The following CNTN4 variants were observed in gnomAD, a reference collection of about 807,000 sequenced individuals.
CNTN4 encodes the protein contactin-4.
A neutral mutation model predicts 122.5 loss-of-function variants in CNTN4; 77 were observed. The observed-to-expected ratio is 0.63, with a 90% CI of 0.52 to 0.76. The LOEUF is 0.76. Among genes scored for constraint, CNTN4 ranks in the 30% least tolerant of loss-of-function variants. CNTN4 has a pLI of 0.00. For synonymous variants in CNTN4, 512 were observed against 447.0 expected, an observed-to-expected ratio of 1.15 and a Z score of -1.83; for missense variants, 1,256 against 1,259.1, an observed-to-expected ratio of 1.00 and a Z score of 0.04.
intron 14 of CNTN4, among the ~76,000 whole-genome samples, chr3:3,017,651 G>T (rs537569724): frequency 2.0e-5 from 3 of 152,212 alleles, no homozygotes; most frequent in Non-Finnish European, 4.4e-5. Flanking sequence ...AGTATTGGGT[G>T]CAATGTCCTT....
intron 6 of CNTN4, among the ~76,000 whole-genome samples, chr3:2,800,393 A>C (rs1383627756): frequency 6.6e-6 from 1 of 152,094 alleles, no homozygotes; most frequent in Non-Finnish European, 1.5e-5. Flanking sequence ...CAAGAAAATA[A>C]TTTGCTTTCT....
chr3:2,172,554 A>T (rs1268654490), intron 2 of CNTN4, among the ~76,000 whole-genome samples: 1 of 152,216 alleles, frequency 6.6e-6, no homozygotes, highest in Non-Finnish European at 1.5e-5. Context: ...GATTGAAATA[A>T]AAAACAAAAA....
intron 6 of CNTN4, among the ~76,000 whole-genome samples, chr3:2,778,213 CAAATAAATAAAT>C (rs60613605): frequency 2.4e-3 from 286 of 118,908 alleles, no homozygotes; most frequent in African/African-American, 4.8e-3. Flanking sequence ...GACTCCGTCT[CAAATAAATAAAT>C]AAATAAATAA....
intron 2 of CNTN4, among the ~76,000 whole-genome samples, chr3:2,105,667 G>T (rs2032381759): frequency 1.3e-5 from 2 of 152,120 alleles, no homozygotes; most frequent in Admixed American, 6.5e-5. Context: ...AAATTATGGG[G>T]ATTACCTTTC....
intron 2 of CNTN4, among the ~76,000 whole-genome samples, chr3:2,124,472 A>ACACACACACACC (rs761202551): frequency 7.8e-6 from 1 of 128,062 alleles, no homozygotes; most frequent in Admixed American, 8.1e-5. Context: ...ACACACACAC[A>ACACACACACACC]CCCCCTTAAG....
At chr3:2,749,749 T>C (rs1292839937) in intron 6 of CNTN4, among the ~76,000 whole-genome samples, 1 of 152,242 alleles carries the variant, frequency 6.6e-6, no homozygotes, top group Non-Finnish European at 1.5e-5. Flanking sequence ...TTTATCTTTT[T>C]GATCATTGAT....
At chr3:3,054,628 A>G (rs899710040) in intron 24 of CNTN4, among the ~76,000 whole-genome samples, 1 of 152,006 alleles carries the variant, frequency 6.6e-6, no homozygotes, top group Non-Finnish European at 1.5e-5. Flanking sequence ...CATTTATTTA[A>G]AGAAAAAAAA....
chr3:2,844,089 G>C (rs982476254), intron 7 of CNTN4, among the ~76,000 whole-genome samples: 4 of 152,104 alleles, frequency 2.6e-5, no homozygotes, highest in South Asian at 2.1e-4. Context: ...CCTAGCAATG[G>C]GGCCTTTGTG....
chr3:2,906,185 G>A (rs1357055396), intron 12 of CNTN4, among the ~76,000 whole-genome samples: 2 of 152,052 alleles, frequency 1.3e-5, no homozygotes, highest in East Asian at 1.9e-4. Context: ...CGGGGGAATC[G>A]GCGGGGGAGG....
chr3:2,686,762 A>G (rs1404083338), intron 4 of CNTN4, among the ~76,000 whole-genome samples: 3 of 152,192 alleles, frequency 2.0e-5, no homozygotes, highest in Non-Finnish European at 4.4e-5. Context: ...GAGCACATGC[A>G]AAGTTTGACC....
At chr3:2,802,354 G>A (rs1455263010) in intron 6 of CNTN4, among the ~76,000 whole-genome samples, 2 of 152,218 alleles carry the variant, frequency 1.3e-5, no homozygotes, top group Admixed American at 6.5e-5. Context: ...AGCTCTAGGT[G>A]TACAAACAAG....
intron 3 of CNTN4, among the ~76,000 whole-genome samples, chr3:2,486,414 C>G (rs1332917486): frequency 1.3e-5 from 2 of 152,152 alleles, no homozygotes; most frequent in African/African-American, 4.8e-5. Context: ...AGGTAGTAAA[C>G]ATCTGACTAG....
At chr3:2,844,430 A>G (rs2093420413) in intron 7 of CNTN4, among the ~76,000 whole-genome samples, 1 of 152,218 alleles carries the variant, frequency 6.6e-6, no homozygotes, top group African/African-American at 2.4e-5. Context: ...GGCTTGCAGT[A>G]GGCTGCTTTG....
chr3:2,590,073 T>C lies in CNTN4; in HGVS notation c.55+18515T>C, dbSNP rs374120527. On this transcript the variant is annotated intron_variant, in intron 4 of 24. Transcript: ENST00000418658. Reference sequence around the variant, plus strand: ...ATTTCAAACCACCACAATCTGTTCCTCTCCTTTGCTTTCATACTGGGACAA... The same window carrying C: ...ATTTCAAACCACCACAATCTGTTCCCCTCCTTTGCTTTCATACTGGGACAA... Among the ~76,000 whole-genome samples, 5 of 152,304 alleles carry C rather than the reference T, an allele frequency of 3.3e-5. No homozygotes were observed. In the East Asian group the frequency reaches 7.8e-4, roughly 24 times the overall value.
At chr3:2,697,120 G>A (rs1216887470) in intron 4 of CNTN4, among the ~76,000 whole-genome samples, 4 of 152,254 alleles carry the variant, frequency 2.6e-5, no homozygotes, top group South Asian at 2.1e-4. Flanking sequence ...AATTCACAGT[G>A]TGTGTTGCCA....
At chr3:2,871,203 G>A (rs1331749609) in intron 8 of CNTN4, among the ~76,000 whole-genome samples, 2 of 152,150 alleles carry the variant, frequency 1.3e-5, no homozygotes, top group South Asian at 2.1e-4. Context: ...TTTCTCATCA[G>A]TAAGATAAGG....
chr3:2,682,771 C>T (rs759031486), intron 4 of CNTN4, among the ~76,000 whole-genome samples: 15 of 152,142 alleles, frequency 9.9e-5, no homozygotes, highest in Non-Finnish European at 2.1e-4. Context: ...CATATCATAT[C>T]ATGAGTCCAT....
At chr3:2,600,252 C>T (rs1194880095) in intron 4 of CNTN4, among the ~76,000 whole-genome samples, 1 of 151,516 alleles carries the variant, frequency 6.6e-6, no homozygotes, top group Non-Finnish European at 1.5e-5. Flanking sequence ...TGTGTACAAC[C>T]TGCAGGTTTG....
At position 2,702,368 on chromosome 3, in the gene CNTN4, A is replaced by C. The variant is rs145251802; in HGVS notation, c.56-33847A>C. Among the ~76,000 whole-genome samples the C allele has an allele frequency of 8.5e-5, 13 of 152,358 alleles. No homozygotes were observed. The East Asian group carries it at 2.5e-3, about 29-fold the overall frequency. ...ACACTGCAAGTATCCGTATGGATAA[A>C]GCAACAAATCATTTTGTAGGCCTGA... On this transcript the variant is annotated intron_variant, in intron 4 of 24. Transcript: ENST00000418658.
Sources: allele counts gnomAD v4.1 joint callset (sites outside exome capture counted in the v4.1 genomes callset), GRCh38; gene constraint gnomAD v4.1.1; transcripts MANE v1.5; gene names NCBI Gene and HGNC (gene_info 2026-07-23, HGNC 2026-07-21).